SPICE1: variants seen among roughly 807,000 people sequenced by gnomAD.
SPICE1 encodes spindle and centriole associated protein 1.
Under a neutral mutation model 102.7 loss-of-function variants are expected in SPICE1, and 75 were observed. That is an observed-to-expected ratio of 0.73 (90% CI 0.61 to 0.88). SPICE1 has a LOEUF of 0.88. SPICE1 is among the 40% of genes least tolerant of loss of function. The pLI, the probability that SPICE1 is intolerant of heterozygous loss-of-function variation, is 0.00. For missense variants in SPICE1, 979 were observed against 1,020.1 expected, an observed-to-expected ratio of 0.96 and a Z score of 0.55; for synonymous variants, 308 against 350.3, an observed-to-expected ratio of 0.88 and a Z score of 1.35.
chr3:113,481,377 G>A lies in SPICE1; in HGVS notation c.611+7568C>T, dbSNP rs114405881. ...CTCTATATGAGAGAAATGTTAAGAC[G>A]CTGTTGAAAAACAGAAAAGTAGACT... On this transcript the variant is annotated intron_variant, in intron 7 of 17. Transcript: ENST00000295872. 4.4e-3 allele frequency among the ~76,000 whole-genome samples: 668 copies of A among 151,594 alleles called. 3 individuals carry two copies. The highest frequency in any genetic ancestry group is 0.015 in the African/African-American group (630 of 41,366).
chr3:113,465,100 C>CAAA (rs35595850), intron 11 of SPICE1, among the ~76,000 whole-genome samples: 1 of 131,380 alleles, frequency 7.6e-6, no homozygotes, highest in African/African-American at 2.7e-5. Context: ...GACACCATCT[C>CAAA]AAAAAAAAAA....
chr3:113,495,208 C>T (rs922937797), intron 4 of SPICE1, among the ~76,000 whole-genome samples: 6 of 152,302 alleles, frequency 3.9e-5, no homozygotes, highest in Non-Finnish European at 5.9e-5. Context: ...TCGGCACCAC[C>T]ACCAGATGGC....
At chr3:113,460,083 C>A (rs988821685) in intron 12 of SPICE1, 39 of 985,214 alleles carry the variant, frequency 4.0e-5, no homozygotes, top group Non-Finnish European at 4.3e-5. Flanking sequence ...CATGAAAAAA[C>A]CAAAATGTCC....
chr3:113,506,157 G>A (rs540460285), intron 2 of SPICE1, among the ~76,000 whole-genome samples: 4 of 152,234 alleles, frequency 2.6e-5, no homozygotes, highest in Middle Eastern at 3.4e-3. Flanking sequence ...AAAAGGTACC[G>A]AAAAATTCAC....
Position 113,450,206 on chromosome 3 carries a change from T to G in SPICE1, c.2323+130A>C, listed in dbSNP as rs1197758568. On this transcript the variant is annotated intron_variant, in intron 15 of 17. Coordinates refer to ENST00000295872, the MANE Select transcript of SPICE1 (RefSeq NM_144718.4). ...TTATCCTGTGAGTTAGGGCTATTTC[T>G]TTCTGTGCAAAATTGAAGGCACCAA... 4.2e-6 allele frequency: 4 copies of G among 951,334 alleles called. No individual in the cohort carries two copies. In the East Asian group the frequency reaches 1.0e-4, roughly 25 times the overall value. 58.9% of individuals were successfully genotyped at this position (951,334 alleles called of 1,614,324 possible).
chr3:113,476,079 C>T (rs1373567644), intron 7 of SPICE1, among the ~76,000 whole-genome samples: 1 of 152,118 alleles, frequency 6.6e-6, no homozygotes, highest in East Asian at 1.9e-4. Flanking sequence ...TAAGCAACTT[C>T]AGCAAAGTCT....
intron 11 of SPICE1, among the ~76,000 whole-genome samples, chr3:113,461,472 T>C (rs986220007): frequency 6.6e-6 from 1 of 152,104 alleles, no homozygotes; most frequent in Non-Finnish European, 1.5e-5. Flanking sequence ...CATGTAAAAG[T>C]CAAACAGATT....
Position 113,465,779 on chromosome 3 carries a change from C to T in SPICE1, c.1161G>A (p.Glu387=). The part of the protein sequence containing the change: ...CRLVRYLKES[E]IQLRKEVETR... ...TCTCTACTTCTTTACGTAGCTGGAT[C>T]TCACTCTACAAAAAAATATCAAATA... The change falls in exon 11 of 18, where the codon GAG becomes GAA. Residue 387 remains glutamate (E), a synonymous_variant. Transcript: ENST00000295872. 3 of 1,610,610 alleles carry T rather than the reference C, an allele frequency of 1.9e-6. No individual in the cohort carries two copies. The highest frequency in any genetic ancestry group is 2.5e-6 in the Non-Finnish European group (3 of 1,179,098).
At chr3:113,451,527 TAAAAC>T (rs946774368) in intron 14 of SPICE1, among the ~76,000 whole-genome samples, 25 of 152,172 alleles carry the variant, frequency 1.6e-4, no homozygotes, top group Non-Finnish European at 2.8e-4. Flanking sequence ...TATTTCCAAT[TAAAAC>T]AAAAGAGGGT....
chr3:113,452,720 C>T (rs1013183677), intron 14 of SPICE1, among the ~76,000 whole-genome samples: 1 of 152,096 alleles, frequency 6.6e-6, no homozygotes, highest in Non-Finnish European at 1.5e-5. Flanking sequence ...TGGCTCATGC[C>T]TGTAATTCCA....
At chr3:113,468,631 C>G in intron 9 of SPICE1, 131 bp downstream of exon 9, 3 of 1,161,576 alleles carry the variant, frequency 2.6e-6, no homozygotes, top group South Asian at 3.2e-5. Context: ...CATTTCTTAG[C>G]TACCATTCAA....
chr3:113,455,490 C>T (rs1249168113), intron 13 of SPICE1, among the ~76,000 whole-genome samples: 1 of 152,176 alleles, frequency 6.6e-6, no homozygotes, highest in Non-Finnish European at 1.5e-5. Context: ...AGCCACATAT[C>T]AGGTGCTCAC....
At chr3:113,445,554 A>G (rs924757427) in intron 17 of SPICE1, among the ~76,000 whole-genome samples, 194 bp from the exon 18 acceptor site, 1 of 152,232 alleles carries the variant, frequency 6.6e-6, no homozygotes, top group Admixed American at 6.5e-5. Flanking sequence ...TACTTGGTCA[A>G]CAGATCCTCT....
At chr3:113,501,742 T>TA (rs1306734394) in intron 3 of SPICE1, among the ~76,000 whole-genome samples, 1 of 152,062 alleles carries the variant, frequency 6.6e-6, no homozygotes, top group East Asian at 1.9e-4. Flanking sequence ...CTAAGAGAAC[T>TA]AAAATGAAAA....
chr3:113,453,552 T>C lies in SPICE1; in HGVS notation c.2056A>G (p.Met686Val). 1 of 1,614,206 alleles carries C rather than the reference T, an allele frequency of 6.2e-7. No homozygotes were observed. Among genetic ancestry groups the C allele is most frequent in the Non-Finnish European group, 8.5e-7 (1 of 1,180,026 alleles). ...CCTCTGGGCTCAATAATATTATTCA[T>C]ATGTGCCTTGATAGCTGAATTCTGC... ...TLQNSAIKAH[M>V]NNIIEPRGEQ... Residue 686 changes from methionine (M) to valine (V), a missense_variant, in exon 14 of 18, where the codon ATG (methionine) becomes GTG (valine). Physicochemically the swap from Met to Val is conservative, Grantham distance 21 (BLOSUM62 1). Transcript: ENST00000295872.
chr3:113,493,370 A>G lies in SPICE1; in HGVS notation c.386-58T>C, dbSNP rs918562347. 5 of 1,318,558 alleles carry G rather than the reference A, an allele frequency of 3.8e-6. No individual in the cohort carries two copies. The Admixed American group carries it at 7.1e-5, about 19-fold the overall frequency. 81.7% of individuals were successfully genotyped at this position (1,318,558 alleles called of 1,614,324 possible). A position where few individuals can be genotyped will look rare whatever the true frequency, so the allele number is the denominator to read the frequency against. ...TTCATTTAATTAACTTGACTTCACA[A>G]GCTCTATACTGCCATTGGTTTGCAT... On this transcript the variant is annotated intron_variant, in intron 5 of 17. Transcript: ENST00000295872.
intron 16 of SPICE1, among the ~76,000 whole-genome samples, chr3:113,447,693 A>T (rs1935549209): frequency 6.6e-6 from 1 of 152,076 alleles, no homozygotes; most frequent in African/African-American, 2.4e-5. Context: ...CACCCAATTA[A>T]CTCGGAGAGC....
At chr3:113,469,288 T>C (rs1476113000) in intron 7 of SPICE1, 50 bp from the exon 8 acceptor site, 2 of 832,898 alleles carry the variant, frequency 2.4e-6, no homozygotes, top group African/African-American at 1.8e-5. Context: ...TATAAATTAA[T>C]ATAATATAAA....
At chr3:113,455,957 A>G (rs1935769538) in intron 13 of SPICE1, among the ~76,000 whole-genome samples, 2 of 152,244 alleles carry the variant, frequency 1.3e-5, no homozygotes, top group South Asian at 2.1e-4. Context: ...AGGGAACATT[A>G]AAGATAAAGA....
Sources: gnomAD v4.1 joint callset for allele counts (sites outside exome capture counted in the v4.1 genomes callset) on GRCh38, gnomAD v4.1.1 for gene constraint, MANE v1.5 for transcripts, NCBI Gene and HGNC (gene_info 2026-07-23, HGNC 2026-07-21) for gene names.